Variants in FAM120A observed in about 807,000 individuals in gnomAD.
FAM120A encodes the protein family with sequence similarity 120 member A.
Under a neutral mutation model 109.7 loss-of-function variants are expected in FAM120A, and 15 were observed. That is an observed-to-expected ratio of 0.14 (90% CI 0.09 to 0.21). The LOEUF is 0.21. Among genes scored for constraint, FAM120A ranks in the 10% least tolerant of loss-of-function variants. FAM120A has a pLI of 1.00. For synonymous variants in FAM120A, 493 were observed against 572.8 expected (o/e 0.86, Z 1.99); for missense variants, 899 against 1,439.3 (o/e 0.62, Z 6.07).
chr9:93,477,137 T>C (rs1858582764), intron 3 of FAM120A, among the ~76,000 whole-genome samples: 1 of 152,164 alleles, frequency 6.6e-6, no homozygotes, highest in African/African-American at 2.4e-5. Flanking sequence ...GGCGGTTAAA[T>C]TGGGTGTTTT....
intron 1 of FAM120A, among the ~76,000 whole-genome samples, chr9:93,464,405 C>G (rs978422182): frequency 6.6e-6 from 1 of 152,140 alleles, no homozygotes; most frequent in Non-Finnish European, 1.5e-5. Flanking sequence ...GAAACGGGCC[C>G]TTTTGCCACT....
In FAM120A at chr9:93,529,657, C is replaced by CAAA. The variant is rs1172586238; in HGVS notation, c.1734+77_1734+78insAAA. The stretch of plus-strand genomic sequence containing the variant: ...TCCTATGGGTGTTTTGTCCTTTTGT[C>CAAA]CTTTTTTGAACCATTTTTCTGTCTT... On this transcript the variant is annotated intron_variant, in intron 9 of 17. Transcript: ENST00000277165. The CAAA allele has an allele frequency of 2.2e-6, 3 of 1,333,552 alleles. No homozygotes were observed. The African/African-American group carries it at 4.3e-5, about 19-fold the overall frequency. The allele number at this position is 1,333,552 out of a possible 1,614,324, so 82.6% of individuals were successfully genotyped here.
At chr9:93,490,177 C>CT (rs1204914062) in intron 3 of FAM120A, among the ~76,000 whole-genome samples, 1 of 152,206 alleles carries the variant, frequency 6.6e-6, no homozygotes, top group South Asian at 2.1e-4. Flanking sequence ...ATGCAGAGTA[C>CT]TTCCCCTTCA....
intron 12 of FAM120A, among the ~76,000 whole-genome samples, chr9:93,552,999 A>G (rs1158292519): frequency 2.6e-5 from 4 of 152,230 alleles, no homozygotes; most frequent in African/African-American, 9.6e-5. Flanking sequence ...TGGTGGGACA[A>G]GACATTGAAA....
At chr9:93,530,958 C>T (rs1861306501) in intron 9 of FAM120A, 1 of 152,164 alleles carries the variant, frequency 6.6e-6, no homozygotes, top group Non-Finnish European at 1.5e-5. Flanking sequence ...TACCGACATG[C>T]TTTCTTATTT....
intron 3 of FAM120A, among the ~76,000 whole-genome samples, chr9:93,485,448 C>A (rs1238742409): frequency 1.3e-5 from 2 of 151,988 alleles, no homozygotes; most frequent in African/African-American, 4.8e-5. Flanking sequence ...AATAAAAAAA[C>A]TAGCTGGGTG....
Position 93,451,714 on chromosome 9 carries a change from G to A in FAM120A, c.-202G>A, listed in dbSNP as rs1197525271. ...GCCTCGCAGCGGCGGCAGCGGCGGCGGCGGCAGGTCCCTCCCCAGACATGG... is the reference window on the plus strand; with the variant it reads ...GCCTCGCAGCGGCGGCAGCGGCGGCAGCGGCAGGTCCCTCCCCAGACATGG... On this transcript the variant is annotated 5_prime_UTR_variant, in exon 1 of 18. Transcript: ENST00000277165. 1 of 983,010 alleles carries A rather than the reference G, an allele frequency of 1.0e-6. No homozygotes were observed. The highest frequency in any genetic ancestry group is 1.2e-6 in the Non-Finnish European group (1 of 831,742). 60.9% of individuals were successfully genotyped at this position (983,010 alleles called of 1,614,324 possible). A position where few individuals can be genotyped will look rare whatever the true frequency, so the allele number is the denominator to read the frequency against.
At chr9:93,547,972 T>A (rs1052193339) in intron 11 of FAM120A, among the ~76,000 whole-genome samples, 1 of 152,072 alleles carries the variant, frequency 6.6e-6, no homozygotes, top group Non-Finnish European at 1.5e-5. Context: ...ATGGAGGAAA[T>A]AGCAGATAGT....
Position 93,494,385 on chromosome 9 carries a change from C to T in FAM120A, c.805-3086C>T, listed in dbSNP as rs571649367. Among the ~76,000 whole-genome samples, 16 of 152,300 alleles carry T rather than the reference C, an allele frequency of 1.1e-4. No individual in the cohort carries two copies. In the South Asian group the frequency reaches 1.2e-3, roughly 12 times the overall value. On this transcript the variant is annotated intron_variant, in intron 3 of 17. Transcript: ENST00000277165. ...CTATGGGACCACCATATCCTACTTCCCTGTTCCCCTCCATTGCCAAGTCTC... is the reference window on the plus strand; with the variant it reads ...CTATGGGACCACCATATCCTACTTCTCTGTTCCCCTCCATTGCCAAGTCTC...
intron 1 of FAM120A, among the ~76,000 whole-genome samples, chr9:93,462,683 T>A (rs1857847042): frequency 6.6e-6 from 1 of 152,216 alleles, no homozygotes; most frequent in Non-Finnish European, 1.5e-5. Context: ...CCCACTAAAC[T>A]GTAATTCCCC....
rs550012126 is a variant in FAM120A, at chr9:93,554,646, G to A, written c.2275-1736G>A. Among the ~76,000 whole-genome samples the A allele has an allele frequency of 1.5e-4, 23 of 152,200 alleles. No individual in the cohort carries two copies. The South Asian group carries it at 3.3e-3, about 22-fold the overall frequency. On this transcript the variant is annotated intron_variant, in intron 12 of 17. Coordinates refer to ENST00000277165, the MANE Select transcript of FAM120A (RefSeq NM_014612.5). The stretch of plus-strand genomic sequence containing the variant: ...CAAGATTGCACCATTGCACTCCAGC[G>A]TGGATGACAGAGCGAGACTCTGTTT...
intron 3 of FAM120A, among the ~76,000 whole-genome samples, chr9:93,493,140 A>G (rs1263845363): frequency 6.6e-6 from 1 of 152,250 alleles, no homozygotes; most frequent in African/African-American, 2.4e-5. Flanking sequence ...AATAAGAAGC[A>G]ATGGTGGCAA....
At chr9:93,461,639 G>GTTTAATTTTAAAGTTTTTA (rs1857794482) in intron 1 of FAM120A, among the ~76,000 whole-genome samples, 1 of 151,984 alleles carries the variant, frequency 6.6e-6, no homozygotes, top group Non-Finnish European at 1.5e-5. Flanking sequence ...TATTTTTAAA[G>GTTTAATTTTAAAGTTTTTA]TTTGTAAAGT....
intron 15 of FAM120A, among the ~76,000 whole-genome samples, chr9:93,560,422 T>C (rs563043785): frequency 2.2e-4 from 34 of 152,258 alleles, no homozygotes; most frequent in Non-Finnish European, 3.7e-4. Context: ...CAAAAAAATA[T>C]AAGCTTGTTG....
At chr9:93,529,331 C>A in intron 8 of FAM120A, 22 bp from the exon 9 acceptor site, 1 of 1,550,418 alleles carries the variant, frequency 6.4e-7, no homozygotes, top group Non-Finnish European at 8.7e-7. Flanking sequence ...CGTTTTCCTC[C>A]CTTCTGCTCT....
chr9:93,452,488 G>T lies in FAM120A; in HGVS notation c.474+99G>T. On this transcript the variant is annotated intron_variant, in intron 1 of 17. Coordinates refer to ENST00000277165, the MANE Select transcript of FAM120A (RefSeq NM_014612.5). The surrounding 1 kb of genome is among the most constrained non-coding windows in gnomAD (Gnocchi z 7.0). ...ATGTCGCCCGGCCGTGGCGGCGCTG[G>T]GGGCAGCGAGTTCCCCCAGCCCTTG... The T allele has an allele frequency of 1.3e-6, 2 of 1,544,214 alleles. No individual in the cohort carries two copies. The highest frequency in any genetic ancestry group is 2.7e-5 in the African/African-American group (2 of 73,440).
chr9:93,479,122 G>T (rs1439400228), intron 3 of FAM120A, among the ~76,000 whole-genome samples: 1 of 133,454 alleles, frequency 7.5e-6, no homozygotes, highest in African/African-American at 3.1e-5. Flanking sequence ...TTTTTGAGAC[G>T]GAGTCTCGCT....
intron 10 of FAM120A, among the ~76,000 whole-genome samples, chr9:93,538,628 C>T (rs756835675): frequency 7.2e-5 from 11 of 152,206 alleles, no homozygotes; most frequent in Non-Finnish European, 1.6e-4. Flanking sequence ...CTCTCTCCTG[C>T]GCCCTTAGTG....
intron 11 of FAM120A, among the ~76,000 whole-genome samples, chr9:93,546,428 C>T (rs530088017): frequency 6.6e-6 from 1 of 152,190 alleles, no homozygotes; most frequent in African/African-American, 2.4e-5. Context: ...AGGGTCACAT[C>T]GTTTCAGCTT....
Sources: gnomAD v4.1 joint callset for allele counts (sites outside exome capture counted in the v4.1 genomes callset) on GRCh38, gnomAD v4.1.1 for gene constraint, Gnocchi (gnomAD v3.1) non-coding constraint, MANE v1.5 for transcripts, NCBI Gene and HGNC (gene_info 2026-07-23, HGNC 2026-07-21) for gene names.